JAK1: variants seen among roughly 807,000 people sequenced by gnomAD.
The protein encoded by JAK1 is tyrosine-protein kinase JAK1.
A neutral mutation model predicts 136.6 loss-of-function variants in JAK1; 16 were observed. That is an observed-to-expected ratio of 0.12 (90% confidence interval 0.08 to 0.18). JAK1 has a LOEUF of 0.18. Among genes scored for constraint, JAK1 ranks in the 10% least tolerant of loss-of-function variants. JAK1 has a pLI of 1.00. For missense variants in JAK1, 859 were observed against 1,450.1 expected, an observed-to-expected ratio of 0.59 and a Z score of 6.62; for synonymous variants, 492 against 519.5, an observed-to-expected ratio of 0.95 and a Z score of 0.72.
intron 1 of JAK1, among the ~76,000 whole-genome samples, chr1:64,902,384 C>G (rs181190800): frequency 2.0e-5 from 3 of 152,126 alleles, no homozygotes; most frequent in Non-Finnish European, 4.4e-5. Flanking sequence ...CAGCATCTCT[C>G]TGTCAATCCG....
intron 2 of JAK1, among the ~76,000 whole-genome samples, chr1:64,997,580 C>G (rs1026688498): frequency 1.4e-4 from 22 of 152,104 alleles, no homozygotes; most frequent in African/African-American, 5.3e-4. Context: ...TCCTTAGAGC[C>G]ACGCTGGGAT....
upstream of JAK1, among the ~76,000 whole-genome samples, chr1:64,968,291 A>T (rs146320239): frequency 1.3e-5 from 2 of 151,998 alleles, no homozygotes; most frequent in South Asian, 4.1e-4. Flanking sequence ...ATGAAGATTC[A>T]GAGAAAAAAA....
intron 4 of JAK1, among the ~76,000 whole-genome samples, chr1:64,874,442 T>C (rs1657271513): frequency 6.6e-6 from 1 of 152,162 alleles, no homozygotes; most frequent in African/African-American, 2.4e-5. Context: ...TCTGTTTATG[T>C]TATTGGTAAG....
At chr1:64,985,398 T>G in intron 2 of JAK1, 1 of 1,610,732 alleles carries the variant, frequency 6.2e-7, no homozygotes, top group Non-Finnish European at 8.5e-7. Context: ...GGATACATCC[T>G]GGGTGCCCCA....
intron 2 of JAK1, among the ~76,000 whole-genome samples, chr1:65,015,234 G>A (rs1646883516): frequency 6.6e-6 from 1 of 152,062 alleles, no homozygotes; most frequent in Non-Finnish European, 1.5e-5. Flanking sequence ...GCAAAATTGT[G>A]CATAACACAG....
chr1:64,870,059 C>T (rs923788714), intron 5 of JAK1, among the ~76,000 whole-genome samples: 4 of 152,148 alleles, frequency 2.6e-5, no homozygotes, highest in Admixed American at 6.5e-5. Flanking sequence ...TAAGAACTAA[C>T]GGGAACTTTA....
chr1:65,038,978 G>T (rs1378849744), intron 2 of JAK1, among the ~76,000 whole-genome samples: 6 of 150,794 alleles, frequency 4.0e-5, no homozygotes, highest in Non-Finnish European at 4.4e-5. Context: ...GTGTGTTTGT[G>T]TAGAGACAGG....
chr1:64,965,369 G>A (rs1646353446), intron 1 of JAK1, among the ~76,000 whole-genome samples: 1 of 152,122 alleles, frequency 6.6e-6, no homozygotes. Flanking sequence ...GAAGGACGGG[G>A]TCCCCTTCCC....
chr1:64,925,655 A>G (rs1301171842), intron 1 of JAK1, among the ~76,000 whole-genome samples: 1 of 152,186 alleles, frequency 6.6e-6, no homozygotes, highest in East Asian at 1.9e-4. Flanking sequence ...CTTCCACACC[A>G]TGCAATCTAG....
chr1:64,857,758 T>C lies in JAK1; in HGVS notation c.1356A>G (p.Lys452=), dbSNP rs761292027. 5.0e-6 allele frequency: 8 copies of C among 1,614,190 alleles called. No homozygotes were observed. In the South Asian group the frequency reaches 7.7e-5, roughly 16 times the overall value. Residue 452 remains lysine (K), a synonymous_variant, in exon 10 of 25, where the codon AAA becomes AAG. Transcript: ENST00000342505. ...CCTCCTCGCTTCCTTCTTGCCGCAA[T>C]TTATTGATGGCGTATTCTGTACTAG... ...GPICTEYAIN[K]LRQEGSEEGM...
At position 65,048,115 on chromosome 1, in the gene JAK1, G is replaced by T. The variant is rs552694859; in HGVS notation, c.-180-3533C>A. 6.6e-5 allele frequency among the ~76,000 whole-genome samples: 10 copies of T among 152,312 alleles called. No homozygotes were observed. In the South Asian group the frequency reaches 1.9e-3, roughly 28 times the overall value. On this transcript the variant is annotated intron_variant, in intron 1 of 25. Coordinates refer to the JAK1 transcript ENST00000671954. ...GATGTTGTTTGCAGGTGGAAGAAAA[G>T]AATCAATGAAAATGTCATGATTTGG...
At position 64,989,002 on chromosome 1, in the gene JAK1, G is replaced by GTGTATATATATA. The variant is rs545656432; in HGVS notation, c.-78+55477_-78+55478insTATATATATACA. Among the ~76,000 whole-genome samples the GTGTATATATATA allele has an allele frequency of 1.5e-4, 20 of 129,210 alleles. 1 individual carries two copies. The highest frequency in any genetic ancestry group is 1.3e-3 in the South Asian group (5 of 3,950). 84.8% of individuals were successfully genotyped at this position (129,210 alleles called of 152,430 possible). A position where few individuals can be genotyped will look rare whatever the true frequency, so the allele number is the denominator to read the frequency against. On this transcript the variant is annotated intron_variant, in intron 2 of 25. Transcript: ENST00000671954. Reference sequence around the variant, plus strand: ...TGTATATGTGTGTGTGTGTGTGTGTGTATATATATATATATATATATATAT... The same window carrying GTGTATATATATA: ...TGTATATGTGTGTGTGTGTGTGTGTGTGTATATATATATATATATATATATATATATATATAT...
intron 1 of JAK1, among the ~76,000 whole-genome samples, chr1:64,903,739 ATG>A (rs1261371335): frequency 1.3e-5 from 2 of 152,334 alleles, no homozygotes; most frequent in African/African-American, 4.8e-5. Flanking sequence ...TAAAACGACT[ATG>A]TGGCTGCTGC....
At chr1:65,039,148 T>C (rs1449548071) in intron 2 of JAK1, among the ~76,000 whole-genome samples, 2 of 152,150 alleles carry the variant, frequency 1.3e-5, no homozygotes, top group Non-Finnish European at 2.9e-5. Flanking sequence ...AGATAATAGA[T>C]GGGAAAGTGT....
rs1655098130 is a variant in JAK1 at position 64,844,454 on chromosome 1, C to A, written c.2252-239G>T. Among the ~76,000 whole-genome samples, 1 of 152,212 alleles carries A rather than the reference C, an allele frequency of 6.6e-6. No homozygotes were observed. The highest frequency in any genetic ancestry group is 2.4e-5 in the African/African-American group (1 of 41,464). On this transcript the variant is annotated intron_variant, in intron 16 of 24. Transcript: ENST00000342505. The surrounding 1 kb of genome is among the most constrained non-coding windows in gnomAD (Gnocchi z 5.7). ...ACAGCCAGCAGATGGGTCCCTGCCTCCAAGCTCCCCAGGAGGGTCGTGTGA... is the reference window on the plus strand; with the variant it reads ...ACAGCCAGCAGATGGGTCCCTGCCTACAAGCTCCCCAGGAGGGTCGTGTGA...
At chr1:64,889,234 T>C (rs1334955152) in intron 1 of JAK1, among the ~76,000 whole-genome samples, 2 of 145,972 alleles carry the variant, frequency 1.4e-5, no homozygotes, top group Non-Finnish European at 3.0e-5. Flanking sequence ...AAAGGAAAAA[T>C]CATCAATGCT....
At chr1:64,835,708 C>G (rs1654438896) in intron 23 of JAK1, among the ~76,000 whole-genome samples, 1 of 152,070 alleles carries the variant, frequency 6.6e-6, no homozygotes, top group South Asian at 2.1e-4. Context: ...TAGACTCTAC[C>G]AACCACTCCT....
chr1:64,968,630 A>AAAACAAAC (rs769230139), upstream of JAK1, among the ~76,000 whole-genome samples: 200 of 152,136 alleles, frequency 1.3e-3, no homozygotes, highest in Non-Finnish European at 2.2e-3. Context: ...CTCTAAAATA[A>AAAACAAAC]AAACAAACAA....
intron 1 of JAK1, among the ~76,000 whole-genome samples, chr1:65,056,061 A>G (rs1367945703): frequency 6.6e-6 from 1 of 152,196 alleles, no homozygotes; most frequent in Non-Finnish European, 1.5e-5. Context: ...CTCAAACACT[A>G]AACATAAGGA....
Sources: gnomAD v4.1 joint callset for allele counts (sites outside exome capture counted in the v4.1 genomes callset) on GRCh38, gnomAD v4.1.1 for gene constraint, Gnocchi (gnomAD v3.1) non-coding constraint, MANE v1.5 for transcripts, NCBI Gene and HGNC (gene_info 2026-07-23, HGNC 2026-07-21) for gene names.